Variants in TP53I13 observed in about 807,000 individuals in gnomAD.
TP53I13 encodes the protein tumor protein p53-inducible protein 13.
A neutral mutation model predicts 39.1 loss-of-function variants in TP53I13; 27 were observed. That is an observed-to-expected ratio of 0.69 (90% CI 0.51 to 0.95). TP53I13 has a LOEUF of 0.95. Ranked by LOEUF, TP53I13 falls within the 40% of genes least tolerant of loss-of-function variation. The pLI is 0.00. For synonymous variants in TP53I13, 230 were observed against 224.6 expected (o/e 1.02, Z -0.22); for missense variants, 544 against 520.4 (o/e 1.05, Z -0.44).
chr17:29,580,089 C>T, the TP53I13 span, among the ~76,000 whole-genome samples: 2 of 152,140 alleles, frequency 1.3e-5, no homozygotes, highest in Admixed American at 6.5e-5. Context: ...TTGCTGCACT[C>T]CCCCATGAGG....
Position 29,568,752 on chromosome 17 carries a change from G to C in TP53I13, c.-7G>C. 6.4e-7 allele frequency: 1 copy of C among 1,570,480 alleles called. No individual in the cohort carries two copies. Among genetic ancestry groups the C allele is most frequent in the Non-Finnish European group, 8.6e-7 (1 of 1,167,558 alleles). ...TGGGCGGCGGGCCGGGCCCGGGGCC[G>C]CTTGGAATGGCGCCTCCTCCGCCTT... On this transcript the variant is annotated 5_prime_UTR_variant, in exon 1 of 7. Coordinates refer to ENST00000301057, the MANE Select transcript of TP53I13 (RefSeq NM_138349.4). This position sits in a 1 kb window ranked among gnomAD's most constrained non-coding sequence, Gnocchi z 4.5.
At position 29,572,931 on chromosome 17, in the gene TP53I13, G is replaced by A. The variant is rs2033021458; in HGVS notation, c.*7G>A. ...AGGCGAGAGCTCGGAGTGACGGCCTGGGACCTGCCACTGTGGCGTGCGGCT... is the reference window on the plus strand; with the variant it reads ...AGGCGAGAGCTCGGAGTGACGGCCTAGGACCTGCCACTGTGGCGTGCGGCT... On this transcript the variant is annotated 3_prime_UTR_variant, in exon 7 of 7. Coordinates refer to ENST00000301057, the MANE Select transcript of TP53I13 (RefSeq NM_138349.4). 6.8e-7 allele frequency: 1 copy of A among 1,464,082 alleles called. No individual in the cohort carries two copies. The highest frequency in any genetic ancestry group is 2.4e-5 in the Admixed American group (1 of 41,906). The allele number at this position is 1,464,082 out of a possible 1,614,324, so 90.7% of individuals were successfully genotyped here. A position where few individuals can be genotyped will look rare whatever the true frequency, so the allele number is the denominator to read the frequency against.
chr17:29,580,165 G>C, the TP53I13 span, among the ~76,000 whole-genome samples: 1 of 152,364 alleles, frequency 6.6e-6, no homozygotes, highest in Middle Eastern at 3.4e-3. Context: ...CAGGGATTGT[G>C]TCTCAGCTGC....
chr17:29,577,034 C>G, downstream of TP53I13: 1 of 1,606,124 alleles, frequency 6.2e-7, no homozygotes, highest in African/African-American at 1.3e-5. Context: ...CACACTCCAC[C>G]ACACAACCCA....
chr17:29,575,834 G>A (rs910138643), downstream of TP53I13: 2 of 1,612,854 alleles, frequency 1.2e-6, no homozygotes, highest in Admixed American at 1.7e-5. This position sits in a 1 kb window ranked among gnomAD's most constrained non-coding sequence, Gnocchi z 5.5. Flanking sequence ...TCCCTCCTGG[G>A]AGCAGGACAG....
downstream of TP53I13, chr17:29,575,685 C>T (rs772727654): frequency 1.1e-5 from 18 of 1,612,532 alleles, no homozygotes; most frequent in Admixed American, 3.3e-5. The surrounding 1 kb of genome is among the most constrained non-coding windows in gnomAD (Gnocchi z 5.5). Context: ...GCTCCACTGC[C>T]GTGGCGGGAA....
At chr17:29,580,960 G>A in the TP53I13 span, 1 of 244,816 alleles carries the variant, frequency 4.1e-6, no homozygotes, top group Non-Finnish European at 8.3e-6. Flanking sequence ...TGTATTTTTG[G>A]TAGAGACGGG....
downstream of TP53I13, chr17:29,576,380 G>A: frequency 2.5e-6 from 4 of 1,613,480 alleles, no homozygotes; most frequent in Non-Finnish European, 3.4e-6. Context: ...CCGTTCACTG[G>A]GGAGTGGAGG....
At position 29,573,008 on chromosome 17, in the gene TP53I13, C is replaced by G. The variant is rs977300997; in HGVS notation, c.*84C>G. 1 of 1,147,670 alleles carries G rather than the reference C, an allele frequency of 8.7e-7. No individual in the cohort carries two copies. Among genetic ancestry groups the G allele is most frequent in the Admixed American group, 4.2e-5 (1 of 23,648 alleles). 71.1% of individuals were successfully genotyped at this position (1,147,670 alleles called of 1,614,324 possible). On this transcript the variant is annotated 3_prime_UTR_variant, in exon 7 of 7. Coordinates refer to ENST00000301057, the MANE Select transcript of TP53I13 (RefSeq NM_138349.4). ...TCTGCCACGTGGACCGCGCGCGGGG[C>G]GCTCCCTGGTGGCGATGGCGCGGCA... is the stretch of plus-strand genomic sequence containing the variant.
the TP53I13 span, chr17:29,581,739 C>G: frequency 6.2e-7 from 1 of 1,607,930 alleles, no homozygotes. The surrounding 1 kb of genome is among the most constrained non-coding windows in gnomAD (Gnocchi z 4.8). Context: ...AAGCTCTGCT[C>G]ACCCGGCTTG....
At chr17:29,569,158 A>G in intron 2 of TP53I13, 72 bp downstream of exon 2, 1 of 1,510,102 alleles carries the variant, frequency 6.6e-7, no homozygotes, top group Non-Finnish European at 9.0e-7. Context: ...TTCTCGCCGC[A>G]CCCTCCACAG....
intron 3 of TP53I13, chr17:29,570,364 T>C (rs1189290899): frequency 4.0e-5 from 6 of 150,114 alleles, no homozygotes; most frequent in African/African-American, 1.2e-4. Flanking sequence ...AAAAATTAGC[T>C]GGGCGTGGTG....
downstream of TP53I13, chr17:29,577,536 G>A: frequency 1.3e-6 from 1 of 788,574 alleles, no homozygotes; most frequent in Non-Finnish European, 2.2e-6. Context: ...CCCTGAGGGA[G>A]GCCCTGGCAA....
At chr17:29,577,205 T>C, downstream of TP53I13, 4 of 1,613,922 alleles carry the variant, frequency 2.5e-6, no homozygotes, top group Non-Finnish European at 3.4e-6. Flanking sequence ...ATGATCAAGG[T>C]GGCAAACTCT....
chr17:29,567,001 G>C, upstream of TP53I13: 1 of 1,275,860 alleles, frequency 7.8e-7, no homozygotes, highest in Non-Finnish European at 9.8e-7. The surrounding 1 kb of genome is among the most constrained non-coding windows in gnomAD (Gnocchi z 6.6). Context: ...GCAGCGGGCG[G>C]CGGGGCCGTC....
chr17:29,579,325 G>C, the TP53I13 span: 45 of 390,028 alleles, frequency 1.2e-4, 1 homozygote, highest in South Asian at 1.4e-3. Flanking sequence ...TTCTAGTTTT[G>C]TCCCTACAAT....
downstream of TP53I13, chr17:29,577,687 G>A (rs1270838861): frequency 2.5e-6 from 4 of 1,613,038 alleles, no homozygotes; most frequent in Admixed American, 3.3e-5. Context: ...CAGGCAGGAA[G>A]GGCACGGCAC....
chr17:29,578,601 G>C, the TP53I13 span: 2 of 912,000 alleles, frequency 2.2e-6, no homozygotes, highest in South Asian at 2.6e-5. Context: ...GGACTGCTGA[G>C]GCCAGTGAGG....
chr17:29,578,838 C>G, the TP53I13 span: 1 of 1,571,984 alleles, frequency 6.4e-7, no homozygotes, highest in Non-Finnish European at 8.8e-7. Context: ...GGTGGCCAGG[C>G]CCATGCCAGC....
Sources: gnomAD v4.1 joint callset for allele counts (sites outside exome capture counted in the v4.1 genomes callset) on GRCh38, gnomAD v4.1.1 for gene constraint, Gnocchi (gnomAD v3.1) non-coding constraint, MANE v1.5 for transcripts, NCBI Gene and HGNC (gene_info 2026-07-23, HGNC 2026-07-21) for gene names.